LHFPL6: variants seen among roughly 807,000 people sequenced by gnomAD.
LHFPL6 encodes LHFPL tetraspan subfamily member 6.
Under a neutral mutation model 20.6 loss-of-function variants are expected in LHFPL6, and 9 were observed. The observed-to-expected ratio is 0.44, with a 90% CI of 0.26 to 0.76. The LOEUF (loss-of-function observed/expected upper bound fraction) is 0.76, where lower values mean the gene tolerates loss of function less well. LHFPL6 is among the 30% of genes least tolerant of loss of function. The probability of loss-of-function intolerance (pLI) is 0.20; values close to 1 mark genes in which losing one functional copy is unlikely to be tolerated. For synonymous variants in LHFPL6, 105 were observed against 98.7 expected, an observed-to-expected ratio of 1.06 and a Z score of -0.38; for missense variants, 218 against 253.5, an observed-to-expected ratio of 0.86 and a Z score of 0.95.
chr13:39,518,451 T>C (rs762363153), intron 2 of LHFPL6, among the ~76,000 whole-genome samples: 35 of 152,246 alleles, frequency 2.3e-4, no homozygotes, highest in Non-Finnish European at 4.7e-4. Context: ...AATCAACTTA[T>C]ATGTAGAATG....
At chr13:39,394,976 T>C (rs1870806926) in intron 2 of LHFPL6, among the ~76,000 whole-genome samples, 1 of 152,162 alleles carries the variant, frequency 6.6e-6, no homozygotes, top group South Asian at 2.1e-4. Flanking sequence ...CACCCAGCGC[T>C]ACCCTAAGCG....
At chr13:39,553,043 C>G (rs1365218013) in intron 2 of LHFPL6, among the ~76,000 whole-genome samples, 1 of 152,216 alleles carries the variant, frequency 6.6e-6, no homozygotes, top group East Asian at 1.9e-4. Context: ...TGAAGTTAAA[C>G]TTAAAAATGT....
chr13:39,369,500 C>T (rs1870098050), intron 3 of LHFPL6, among the ~76,000 whole-genome samples: 1 of 148,542 alleles, frequency 6.7e-6, no homozygotes, highest in South Asian at 2.1e-4. Context: ...GGTAGGATAT[C>T]AGTGGCCAAA....
intron 2 of LHFPL6, among the ~76,000 whole-genome samples, chr13:39,556,784 G>C (rs1407373719): frequency 6.6e-6 from 1 of 151,976 alleles, no homozygotes; most frequent in African/African-American, 2.4e-5. Context: ...GCAACATAGT[G>C]ACACTCCATC....
rs1187383312 is a variant in LHFPL6 at position 39,525,623 on chromosome 13, A to G, written c.385+75209T>C. On this transcript the variant is annotated intron_variant, in intron 2 of 3. Coordinates refer to ENST00000379589, the MANE Select transcript of LHFPL6 (RefSeq NM_005780.3). Reference sequence around the variant, plus strand: ...CACTTAAGGACCTGCATAGCCTTGCATCTTCTTTTTGACCTTGAGGAACAG... The same window carrying G: ...CACTTAAGGACCTGCATAGCCTTGCGTCTTCTTTTTGACCTTGAGGAACAG... Among the ~76,000 whole-genome samples, 3 of 152,258 alleles carry G rather than the reference A, an allele frequency of 2.0e-5. No individual in the cohort carries two copies. The East Asian group carries it at 5.8e-4, about 29-fold the overall frequency.
intron 2 of LHFPL6, among the ~76,000 whole-genome samples, chr13:39,554,193 A>G (rs1871230519): frequency 6.6e-6 from 1 of 152,140 alleles, no homozygotes. Context: ...ACTTCCTATA[A>G]TCAATCACTT....
At chr13:39,594,928 G>A (rs928307425) in intron 2 of LHFPL6, among the ~76,000 whole-genome samples, 2 of 152,044 alleles carry the variant, frequency 1.3e-5, no homozygotes, top group Non-Finnish European at 2.9e-5. Flanking sequence ...GAGAACACAC[G>A]GACACAGGAA....
intron 2 of LHFPL6, among the ~76,000 whole-genome samples, chr13:39,407,377 C>A (rs761917077): frequency 6.6e-6 from 1 of 152,168 alleles, no homozygotes; most frequent in African/African-American, 2.4e-5. Context: ...TTGAAGTTCA[C>A]CTTGATGCAG....
At position 39,352,884 on chromosome 13, in the gene LHFPL6, T is replaced by C. The variant is rs1372461640; in HGVS notation, c.485-8830A>G. The stretch of plus-strand genomic sequence containing the variant: ...ATATGTGTATATATATATATAAATG[T>C]ATATATATGTGTATATATATATAAA... On this transcript the variant is annotated intron_variant, in intron 3 of 3. Transcript: ENST00000379589. 2.7e-4 allele frequency among the ~76,000 whole-genome samples: 15 copies of C among 54,762 alleles called. 1 individual carries two copies. Among genetic ancestry groups the C allele is most frequent in the South Asian group, 9.0e-4 (1 of 1,110 alleles). The allele number at this position is 54,762 out of a possible 152,430, so 35.9% of individuals were successfully genotyped here. A position where few individuals can be genotyped will look rare whatever the true frequency, so the allele number is the denominator to read the frequency against.
intron 3 of LHFPL6, among the ~76,000 whole-genome samples, chr13:39,352,742 C>A (rs1468993382): frequency 2.7e-5 from 4 of 150,402 alleles, no homozygotes; most frequent in African/African-American, 9.8e-5. Context: ...AAAAAGGATA[C>A]ATATTAGATT....
At chr13:39,411,489 G>T (rs1171014198) in intron 2 of LHFPL6, among the ~76,000 whole-genome samples, 2 of 152,180 alleles carry the variant, frequency 1.3e-5, no homozygotes, top group Non-Finnish European at 2.9e-5. Context: ...GTATATCCAA[G>T]CATGATTCAC....
At chr13:39,435,145 T>C (rs1454867674) in intron 2 of LHFPL6, among the ~76,000 whole-genome samples, 2 of 149,914 alleles carry the variant, frequency 1.3e-5, no homozygotes, top group African/African-American at 4.9e-5. Context: ...ATGAGAAATA[T>C]GCACATAGAA....
chr13:39,483,208 T>C (rs561324457), intron 2 of LHFPL6, among the ~76,000 whole-genome samples: 1 of 148,490 alleles, frequency 6.7e-6, no homozygotes, highest in East Asian at 2.2e-4. Context: ...GTGATTTATT[T>C]GAACTTACAT....
At chr13:39,358,847 T>C (rs1869798058) in intron 3 of LHFPL6, among the ~76,000 whole-genome samples, 1 of 152,066 alleles carries the variant, frequency 6.6e-6, no homozygotes, top group African/African-American at 2.4e-5. Context: ...CAAGATACCA[T>C]CTCACACCAG....
rs73453089 is a variant in LHFPL6 at position 39,394,090 on chromosome 13, G to A, written c.386-15564C>T. 6.8e-3 allele frequency among the ~76,000 whole-genome samples: 1,030 copies of A among 152,180 alleles called. 16 individuals are homozygous for A. Among genetic ancestry groups the A allele is most frequent in the African/African-American group, 0.024 (987 of 41,528 alleles). On this transcript the variant is annotated intron_variant, in intron 2 of 3. Transcript: ENST00000379589. ...CATATAGCTGGGACTACAGGCATAC[G>A]CCACCACACCCAGCTAGTTTTTTAT...
chr13:39,544,235 T>C (rs1870902400), intron 2 of LHFPL6, among the ~76,000 whole-genome samples: 1 of 152,222 alleles, frequency 6.6e-6, no homozygotes, highest in African/African-American at 2.4e-5. Flanking sequence ...GCTCGTTCAC[T>C]GAGGAAGAAT....
At chr13:39,347,593 C>T (rs1158783927) in intron 3 of LHFPL6, among the ~76,000 whole-genome samples, 2 of 151,552 alleles carry the variant, frequency 1.3e-5, no homozygotes, top group Non-Finnish European at 2.9e-5. Context: ...GTAGGTCTCA[C>T]TGGCACAATG....
chr13:39,418,464 C>A (rs955759970), intron 2 of LHFPL6, among the ~76,000 whole-genome samples: 1 of 143,788 alleles, frequency 7.0e-6, no homozygotes, highest in Non-Finnish European at 1.5e-5. Flanking sequence ...TTTTCTCTTA[C>A]TCCCTTATTT....
At chr13:39,563,340 G>A (rs1036302206) in intron 2 of LHFPL6, among the ~76,000 whole-genome samples, 5 of 152,152 alleles carry the variant, frequency 3.3e-5, no homozygotes, top group Non-Finnish European at 7.3e-5. Flanking sequence ...CTCTGTGACA[G>A]TCCATGCTGC....
Sources: gnomAD v4.1 joint callset for allele counts (sites outside exome capture counted in the v4.1 genomes callset) on GRCh38, gnomAD v4.1.1 for gene constraint, MANE v1.5 for transcripts, NCBI Gene and HGNC (gene_info 2026-07-23, HGNC 2026-07-21) for gene names.